The following TCP11L1 variants were observed in gnomAD, a reference collection of about 807,000 sequenced individuals.
TCP11L1 encodes t-complex 11 like 1.
TCP11L1 carries 28 observed loss-of-function variants against 48.9 expected under a neutral mutation model. The observed-to-expected ratio is 0.57, with a 90% CI of 0.42 to 0.78. TCP11L1 has a LOEUF of 0.78. Among genes scored for constraint, TCP11L1 ranks in the 30% least tolerant of loss-of-function variants. The probability of loss-of-function intolerance (pLI) is 0.00; values close to 1 mark genes in which losing one functional copy is unlikely to be tolerated. For synonymous variants in TCP11L1, 204 were observed against 231.9 expected, an observed-to-expected ratio of 0.88 and a Z score of 1.09; for missense variants, 505 against 613.4, an observed-to-expected ratio of 0.82 and a Z score of 1.87.
In TCP11L1 at chr11:33,057,975, A is replaced by T. The variant is rs1300436975; in HGVS notation, c.474A>T (p.Glu158Asp). ...CTAGACTGAGAAACCAGATAACAGA[A>T]GTCTTGGATCTGGATCTGATAAAGC... ...GHTRLRNQIT[E>D]VLDLDLIKQE... Residue 158 changes from glutamate (E) to aspartate (D), a missense_variant, in exon 5 of 10, where the codon GAA becomes GAT. Glu to Asp is a conservative substitution (Grantham distance 45). Around this residue, in one of 3 missense-constraint regions of TCP11L1, gnomAD observed 168 missense variants for 183.5 expected, o/e 0.92. Transcript: ENST00000334274. 3.1e-6 allele frequency: 5 copies of T among 1,614,042 alleles called. No homozygotes were observed. Among genetic ancestry groups the T allele is most frequent in the Non-Finnish European group, 3.4e-6 (4 of 1,180,046 alleles).
intron 6 of TCP11L1, among the ~76,000 whole-genome samples, chr11:33,060,360 C>T (rs967649696): frequency 2.0e-5 from 3 of 152,116 alleles, no homozygotes; most frequent in Non-Finnish European, 2.9e-5. Flanking sequence ...TGGGGGGTTA[C>T]GGAGAATATT....
chr11:33,067,091 G>A (rs1854641378), intron 8 of TCP11L1, among the ~76,000 whole-genome samples: 2 of 152,194 alleles, frequency 1.3e-5, no homozygotes, highest in South Asian at 4.1e-4. Flanking sequence ...AGAGCTGCAT[G>A]TATGTGGTTG....
chr11:33,057,603 G>A (rs1355158435), intron 4 of TCP11L1, among the ~76,000 whole-genome samples: 1 of 152,184 alleles, frequency 6.6e-6, no homozygotes, highest in Non-Finnish European at 1.5e-5. Flanking sequence ...CATCAAAGAA[G>A]AAATGTATGC....
intron 9 of TCP11L1, among the ~76,000 whole-genome samples, chr11:33,070,021 C>T (rs2024967): frequency 0.81 from 122,496 of 152,026 alleles, 49,674 homozygotes; most frequent in Middle Eastern, 0.95. Flanking sequence ...TAGCCAGTTA[C>T]CGACAGATTG....
intron 2 of TCP11L1, among the ~76,000 whole-genome samples, chr11:33,045,663 G>A (rs1018421209): frequency 1.3e-5 from 2 of 152,208 alleles, no homozygotes; most frequent in African/African-American, 4.8e-5. Flanking sequence ...TTTATTGGTT[G>A]GTTGGTTGTT....
At chr11:33,058,309 G>A (rs1854372061) in intron 5 of TCP11L1, among the ~76,000 whole-genome samples, 170 bp downstream of exon 5, 1 of 150,880 alleles carries the variant, frequency 6.6e-6, no homozygotes. Flanking sequence ...AGCAATTGTC[G>A]TGCCTCAGCC....
At position 33,059,581 on chromosome 11, in the gene TCP11L1, G is replaced by A. The variant is rs1022273691; in HGVS notation, c.775+486G>A. Among the ~76,000 whole-genome samples the A allele has an allele frequency of 3.3e-5, 5 of 152,170 alleles. No homozygotes were observed. In the East Asian group the frequency reaches 7.7e-4, roughly 23 times the overall value. ...TCTCCGATGACTGCAGAAAACAGACGACTCTCAGAATCTAAAACTACGTTG... is the reference window on the plus strand; with the variant it reads ...TCTCCGATGACTGCAGAAAACAGACAACTCTCAGAATCTAAAACTACGTTG... On this transcript the variant is annotated intron_variant, in intron 6 of 9. Coordinates refer to ENST00000334274, the MANE Select transcript of TCP11L1 (RefSeq NM_018393.4).
chr11:33,065,465 G>A (rs1197321407), intron 7 of TCP11L1, among the ~76,000 whole-genome samples: 3 of 150,424 alleles, frequency 2.0e-5, no homozygotes, highest in Non-Finnish European at 3.0e-5. Flanking sequence ...GTTTTACCAT[G>A]TTGGTCAGGC....
intron 2 of TCP11L1, among the ~76,000 whole-genome samples, chr11:33,052,403 A>G (rs995982925): frequency 2.0e-5 from 3 of 151,880 alleles, no homozygotes; most frequent in Admixed American, 6.6e-5. Flanking sequence ...AGTTTTCCCA[A>G]CTTCCCCTTG....
chr11:33,070,282 A>AAAAG lies in TCP11L1; in HGVS notation c.1327+1439_1327+1442dup, dbSNP rs150343648. Among the ~76,000 whole-genome samples the AAAAG allele has an allele frequency of 1.5e-3, 233 of 151,890 alleles. 2 individuals carry two copies. The highest frequency in any genetic ancestry group is 5.1e-3 in the African/African-American group (212 of 41,360). On this transcript the variant is annotated intron_variant, in intron 9 of 9. Transcript: ENST00000334274. ...GGTGACAGAGCAAGACCCTGTTTCT[A>AAAAG]AAAGAAAGAAAGAAAGAAAAGAAAA...
chr11:33,047,455 T>C (rs1271817142), intron 2 of TCP11L1, among the ~76,000 whole-genome samples: 3 of 152,218 alleles, frequency 2.0e-5, no homozygotes. Flanking sequence ...TGTTCTAACG[T>C]TTAATCACCT....
chr11:33,049,558 G>C, intron 2 of TCP11L1, among the ~76,000 whole-genome samples: 1 of 152,092 alleles, frequency 6.6e-6, no homozygotes, highest in African/African-American at 2.4e-5. Flanking sequence ...TAATAGTGGG[G>C]AGAGGGTCAG....
At chr11:33,048,078 CAG>C (rs969280766) in intron 2 of TCP11L1, among the ~76,000 whole-genome samples, 8 of 152,284 alleles carry the variant, frequency 5.3e-5, no homozygotes, top group East Asian at 3.9e-4. Flanking sequence ...GTTTCTCTAA[CAG>C]GGCATCAGTG....
At position 33,058,973 on chromosome 11, in the gene TCP11L1, T is replaced by C; in HGVS notation, c.653T>C (p.Val218Ala). Residue 218 changes from valine (V) to alanine (A), a missense_variant, in exon 6 of 10, where the codon GTG becomes GCG. Physicochemically the swap from Val to Ala is moderately conservative, Grantham distance 64. Transcript: ENST00000334274. ...TTTTCTTTCAGAGAAATTTTTTCTG[T>C]GTTGGACCTAATGAAAGTGGACATG... ...IVPLFREIFS[V>A]LDLMKVDMAN... The C allele has an allele frequency of 1.9e-6, 3 of 1,614,118 alleles. No individual in the cohort carries two copies. Among genetic ancestry groups the C allele is most frequent in the Non-Finnish European group, 2.5e-6 (3 of 1,180,000 alleles).
chr11:33,043,221 G>A (rs537646812), intron 1 of TCP11L1, among the ~76,000 whole-genome samples: 1 of 147,896 alleles, frequency 6.8e-6, no homozygotes, highest in Admixed American at 6.8e-5. Context: ...GGCAACAAGA[G>A]CAAAACTCCA....
At chr11:33,049,635 G>A (rs1006959309) in intron 2 of TCP11L1, among the ~76,000 whole-genome samples, 5 of 152,184 alleles carry the variant, frequency 3.3e-5, no homozygotes, top group Non-Finnish European at 7.3e-5. Context: ...GTGCCTTGAT[G>A]TGCACGGATA....
intron 8 of TCP11L1, among the ~76,000 whole-genome samples, chr11:33,067,198 G>C (rs1032375715): frequency 2.0e-5 from 3 of 152,160 alleles, no homozygotes; most frequent in Non-Finnish European, 4.4e-5. Context: ...CACGCGTGCA[G>C]GCTTCAGTGA....
intron 2 of TCP11L1, among the ~76,000 whole-genome samples, chr11:33,051,231 A>G (rs1174604455): frequency 6.6e-6 from 1 of 152,062 alleles, no homozygotes; most frequent in Non-Finnish European, 1.5e-5. Flanking sequence ...GCAGTGGTGC[A>G]ATCTCAGCTC....
Position 33,061,728 on chromosome 11 carries a change from T to C in TCP11L1, c.972+2T>C, listed in dbSNP as rs1385326891. 6.3e-7 allele frequency: 1 copy of C among 1,594,326 alleles called. No individual in the cohort carries two copies. Among genetic ancestry groups the C allele is most frequent in the South Asian group, 1.1e-5 (1 of 88,058 alleles). On this transcript the variant is annotated splice_donor_variant, in intron 7 of 9. Transcript: ENST00000334274. LOFTEE classifies it high-confidence loss of function. ...CACCTCCAGAGGCCGTTCCCCGAAGTAGGTCTCCTGAGCCATCTCACTACT... is the reference window on the plus strand; with the variant it reads ...CACCTCCAGAGGCCGTTCCCCGAAGCAGGTCTCCTGAGCCATCTCACTACT...
Sources: gnomAD v4.1 joint callset for allele counts (sites outside exome capture counted in the v4.1 genomes callset) on GRCh38, gnomAD v4.1.1 for gene constraint, gnomAD v4.1.1 regional missense constraint, MANE v1.5 for transcripts, NCBI Gene and HGNC (gene_info 2026-07-23, HGNC 2026-07-21) for gene names.